The following ZDHHC14 variants were observed in gnomAD, a reference collection of about 807,000 sequenced individuals.
ZDHHC14 encodes palmitoyltransferase ZDHHC14.
ZDHHC14 carries 16 observed loss-of-function variants against 47.7 expected under a neutral mutation model. That is an observed-to-expected ratio of 0.34 (90% CI 0.23 to 0.51). ZDHHC14 has a LOEUF of 0.51. Ranked by LOEUF, ZDHHC14 falls within the 20% of genes least tolerant of loss-of-function variation. The pLI, the probability that ZDHHC14 is intolerant of heterozygous loss-of-function variation, is 0.97. For missense variants in ZDHHC14, 515 were observed against 662.5 expected, an observed-to-expected ratio of 0.78 and a Z score of 2.44; for synonymous variants, 293 against 278.9, an observed-to-expected ratio of 1.05 and a Z score of -0.50.
chr6:157,497,998 G>A (rs1780107790), intron 1 of ZDHHC14, among the ~76,000 whole-genome samples: 1 of 152,220 alleles, frequency 6.6e-6, no homozygotes, highest in Admixed American at 6.5e-5. Flanking sequence ...AGGAACAGGA[G>A]CTTTCCATAA....
chr6:157,403,710 T>G (rs1379629346), intron 1 of ZDHHC14, among the ~76,000 whole-genome samples: 1 of 152,276 alleles, frequency 6.6e-6, no homozygotes, highest in African/African-American at 2.4e-5. Context: ...TAGAGCTGAT[T>G]AGCTGAGCAG....
chr6:157,550,114 G>A (rs1178969963), intron 2 of ZDHHC14, among the ~76,000 whole-genome samples: 2 of 152,140 alleles, frequency 1.3e-5, no homozygotes, highest in African/African-American at 4.8e-5. Context: ...GAGAGAAGGG[G>A]GTTATTTCAC....
chr6:157,551,332 G>A (rs1412861382), intron 2 of ZDHHC14, among the ~76,000 whole-genome samples: 1 of 152,168 alleles, frequency 6.6e-6, no homozygotes, highest in African/African-American at 2.4e-5. Flanking sequence ...GTTTACAGAT[G>A]AGTAAACTGA....
intron 1 of ZDHHC14, among the ~76,000 whole-genome samples, chr6:157,448,353 G>C (rs1479337753): frequency 6.6e-6 from 1 of 152,004 alleles, no homozygotes; most frequent in Non-Finnish European, 1.5e-5. Context: ...TTGCGGGGGT[G>C]GTGGATAAAT....
chr6:157,580,776 C>T (rs1013900590), intron 2 of ZDHHC14, among the ~76,000 whole-genome samples: 40 of 150,846 alleles, frequency 2.7e-4, no homozygotes, highest in African/African-American at 9.5e-4. Context: ...GGTAATGCCC[C>T]CTTTGCCATT....
chr6:157,577,520 ACCTCTC>A (rs1783351584), intron 2 of ZDHHC14, among the ~76,000 whole-genome samples: 1 of 151,568 alleles, frequency 6.6e-6, no homozygotes, highest in Non-Finnish European at 1.5e-5. Flanking sequence ...TTTCTTGGCA[ACCTCTC>A]CAGCCTCTGT....
Position 157,657,021 on chromosome 6 carries a change from T to G in ZDHHC14, c.1068+3394T>G, listed in dbSNP as rs578001077. Among the ~76,000 whole-genome samples, 5 of 151,810 alleles carry G rather than the reference T, an allele frequency of 3.3e-5. No individual in the cohort carries two copies. The South Asian group carries it at 8.3e-4, about 25-fold the overall frequency. ...GTGGCTTCACATCTCCTGTAGCATCTTCTTGCCATCCGTACACACAAAGGG... is the reference window on the plus strand; with the variant it reads ...GTGGCTTCACATCTCCTGTAGCATCGTCTTGCCATCCGTACACACAAAGGG... On this transcript the variant is annotated intron_variant, in intron 8 of 8. Transcript: ENST00000359775.
chr6:157,594,466 C>G (rs1784039931), intron 3 of ZDHHC14, among the ~76,000 whole-genome samples: 1 of 152,140 alleles, frequency 6.6e-6, no homozygotes, highest in South Asian at 2.1e-4. Flanking sequence ...CGCTGTGTGC[C>G]TCAGTTTCGT....
intron 1 of ZDHHC14, among the ~76,000 whole-genome samples, chr6:157,506,792 A>G (rs2114744233): frequency 6.6e-6 from 1 of 152,356 alleles, no homozygotes; most frequent in Admixed American, 6.5e-5. Context: ...ACAACCACTC[A>G]GGATATTAGC....
Position 157,417,079 on chromosome 6 carries a change from C to T in ZDHHC14, c.245+34813C>T, listed in dbSNP as rs150845689. The stretch of plus-strand genomic sequence containing the variant: ...TCCTGACCTCGTGATCTTCCTACCT[C>T]GGCTTCCCAAAGTGCTAGGATCACA... On this transcript the variant is annotated intron_variant, in intron 1 of 8. Coordinates refer to ENST00000359775, the MANE Select transcript of ZDHHC14 (RefSeq NM_024630.3). 4.4e-3 allele frequency among the ~76,000 whole-genome samples: 656 copies of T among 148,192 alleles called. 6 individuals carry two copies. The highest frequency in any genetic ancestry group is 0.016 in the African/African-American group (622 of 39,990).
chr6:157,606,192 C>T (rs965842076), intron 3 of ZDHHC14, among the ~76,000 whole-genome samples: 3 of 152,190 alleles, frequency 2.0e-5, no homozygotes, highest in African/African-American at 4.8e-5. Context: ...AGTCTGGAAG[C>T]GGTGGCTCAT....
intron 1 of ZDHHC14, among the ~76,000 whole-genome samples, chr6:157,447,639 G>A (rs985149496): frequency 1.3e-5 from 2 of 152,120 alleles, no homozygotes; most frequent in African/African-American, 4.8e-5. Flanking sequence ...AGGAAGACCC[G>A]GGGGTCCAGG....
At chr6:157,460,691 G>T (rs1276636893) in intron 1 of ZDHHC14, among the ~76,000 whole-genome samples, 1 of 152,184 alleles carries the variant, frequency 6.6e-6, no homozygotes, top group Non-Finnish European at 1.5e-5. Flanking sequence ...TTTTAATCAA[G>T]AGTTGCAGTT....
At chr6:157,384,321 C>G (rs2114728124) in intron 1 of ZDHHC14, among the ~76,000 whole-genome samples, 1 of 152,318 alleles carries the variant, frequency 6.6e-6, no homozygotes, top group Middle Eastern at 3.4e-3. Flanking sequence ...TCAAACATAG[C>G]TTCTAACCAA....
chr6:157,658,512 C>A (rs1192404612), intron 8 of ZDHHC14, among the ~76,000 whole-genome samples: 2 of 152,152 alleles, frequency 1.3e-5, no homozygotes, highest in Non-Finnish European at 2.9e-5. Context: ...GACCAACAGC[C>A]CCCAAACTGA....
At chr6:157,634,320 A>G (rs1030855693) in intron 5 of ZDHHC14, among the ~76,000 whole-genome samples, 3 of 152,212 alleles carry the variant, frequency 2.0e-5, no homozygotes, top group African/African-American at 7.2e-5. Flanking sequence ...CATGTCTTCT[A>G]TTAATGATTT....
At chr6:157,648,229 G>T (rs1000296233) in intron 7 of ZDHHC14, among the ~76,000 whole-genome samples, 2 of 152,142 alleles carry the variant, frequency 1.3e-5, no homozygotes, top group Non-Finnish European at 2.9e-5. Flanking sequence ...AAATCTACCT[G>T]GTCTCTAGAA....
intron 2 of ZDHHC14, among the ~76,000 whole-genome samples, chr6:157,581,961 T>C (rs1783536431): frequency 6.6e-6 from 1 of 152,134 alleles, no homozygotes. Flanking sequence ...AGTGGCACAG[T>C]CTCAGTTCAG....
At chr6:157,605,139 C>G (rs958893791) in intron 3 of ZDHHC14, among the ~76,000 whole-genome samples, 1 of 152,118 alleles carries the variant, frequency 6.6e-6, no homozygotes, top group African/African-American at 2.4e-5. Context: ...ACCCATGTGC[C>G]TTAGTTTTGA....
Sources: gnomAD v4.1 joint callset for allele counts (sites outside exome capture counted in the v4.1 genomes callset) on GRCh38, gnomAD v4.1.1 for gene constraint, MANE v1.5 for transcripts, NCBI Gene and HGNC (gene_info 2026-07-23, HGNC 2026-07-21) for gene names.